Variants in ZFC3H1 observed in about 807,000 individuals in gnomAD.
The protein encoded by ZFC3H1 is zinc finger C3H1-type containing, also known as zinc finger C3H1 domain-containing protein.
A neutral mutation model predicts 243.7 loss-of-function variants in ZFC3H1; 71 were observed. The ratio of observed to expected loss-of-function variants is 0.29; its 90% confidence interval spans 0.24 to 0.36. The LOEUF (loss-of-function observed/expected upper bound fraction) is 0.36. ZFC3H1 is among the 10% of genes least tolerant of loss of function. The probability of loss-of-function intolerance (pLI) is 1.00; values close to 1 mark genes in which losing one functional copy is unlikely to be tolerated. For synonymous variants in ZFC3H1, 838 were observed against 813.0 expected (o/e 1.03, Z -0.52); for missense variants, 1,966 against 2,317.1 (o/e 0.85, Z 3.11).
chr12:71,662,492 A>AAC (rs1881206927), intron 1 of ZFC3H1, among the ~76,000 whole-genome samples: 5 of 114,500 alleles, frequency 4.4e-5, no homozygotes, highest in East Asian at 6.9e-4. Context: ...TTTTTTTTTT[A>AAC]CCCCTCCCCC....
Position 71,630,926 on chromosome 12 carries a change from T to C in ZFC3H1, c.3499A>G (p.Lys1167Glu). The change falls in exon 17 of 35, where the codon AAA becomes GAA. Residue 1167 changes from lysine to glutamate, a missense_variant. Around this residue, in one of 4 missense-constraint regions of ZFC3H1, gnomAD observed 1,383 missense variants for 1,723.7 expected, o/e 0.80. Transcript: ENST00000378743. ...TATGATACTGAGCTCAGGGGAAGTT[T>C]TTCCTTGGTTCGATAATATGGACTA... ...RFSPYYRTKE[K>E]LPLSSVSYSN... The C allele has an allele frequency of 6.2e-7, 1 of 1,612,284 alleles. No homozygotes were observed. The highest frequency in any genetic ancestry group is 2.2e-5 in the East Asian group (1 of 44,758).
intron 2 of ZFC3H1, among the ~76,000 whole-genome samples, chr12:71,651,654 GAAGTA>G (rs1880889778): frequency 6.6e-6 from 1 of 152,192 alleles, no homozygotes; most frequent in African/African-American, 2.4e-5. Flanking sequence ...AAGGCAATGA[GAAGTA>G]AAGTCAAAAG....
chr12:71,630,881 C>G lies in ZFC3H1; in HGVS notation c.3544G>C (p.Asp1182His), dbSNP rs1057481887. 5 of 1,613,500 alleles carry G rather than the reference C, an allele frequency of 3.1e-6. No individual in the cohort carries two copies. Among genetic ancestry groups the G allele is most frequent in the East Asian group, 4.5e-5 (2 of 44,786 alleles). Residue 1182 changes from aspartate to histidine, a missense_variant, in exon 17 of 35, where the codon GAT becomes CAT. Asp to His is a moderately conservative substitution (Grantham distance 81, BLOSUM62 -1). Around this residue, in one of 4 missense-constraint regions of ZFC3H1, gnomAD observed 1,383 missense variants for 1,723.7 expected, o/e 0.80. Transcript: ENST00000378743. ...AAATCAAAACGGCAGAAACACTGATCCGGTTCAATCATATTACTGTATGAT... is the reference window on the plus strand; with the variant it reads ...AAATCAAAACGGCAGAAACACTGATGCGGTTCAATCATATTACTGTATGAT... ...SVSYSNMIEP[D>H]QCFCRFDLTG...
chr12:71,633,181 G>A (rs765911801), intron 13 of ZFC3H1, 83 bp downstream of exon 13: 30 of 1,434,798 alleles, frequency 2.1e-5, no homozygotes, highest in African/African-American at 1.9e-4. Context: ...GCTGGCTTTA[G>A]TATACAGTGG....
chr12:71,631,128 G>A (rs1311626312), intron 16 of ZFC3H1, among the ~76,000 whole-genome samples, 174 bp from the exon 17 acceptor site: 1 of 151,732 alleles, frequency 6.6e-6, no homozygotes, highest in African/African-American at 2.4e-5. Flanking sequence ...GAATATCAAG[G>A]GATAGAAACA....
intron 5 of ZFC3H1, 68 bp from the exon 6 acceptor site, chr12:71,642,627 G>C: frequency 6.6e-7 from 1 of 1,515,438 alleles, no homozygotes. Flanking sequence ...CAAAAGAACT[G>C]ATAGTTATCT....
chr12:71,656,865 G>A lies in ZFC3H1; in HGVS notation c.1015+20C>T. The A allele has an allele frequency of 1.3e-6, 2 of 1,584,800 alleles. No individual in the cohort carries two copies. Among genetic ancestry groups the A allele is most frequent in the Non-Finnish European group, 1.7e-6 (2 of 1,167,006 alleles). On this transcript the variant is annotated intron_variant, in intron 2 of 34. Transcript: ENST00000378743. ...AGAGGAAGAAGAGTCATTACTAACT[G>A]AAATATTTAATTCCATTACCTTGAC...
Position 71,630,113 on chromosome 12 carries a change from TTAA to T in ZFC3H1, c.3725-406_3725-404del, listed in dbSNP as rs368527374. On this transcript the variant is annotated intron_variant, in intron 18 of 34. Transcript: ENST00000378743. ...CTTGGCACCAAATCTGAGAAAAAGC[TTAA>T]TAATATTTGCTCACAAGTGTATCAA... Among the ~76,000 whole-genome samples the T allele has an allele frequency of 6.7e-3, 1,025 of 152,316 alleles. 5 individuals carry two copies. The highest frequency in any genetic ancestry group is 0.018 in the African/African-American group (752 of 41,580).
chr12:71,627,725 T>G (rs775514209), intron 21 of ZFC3H1, 26 bp downstream of exon 21: 5 of 1,589,650 alleles, frequency 3.1e-6, no homozygotes, highest in African/African-American at 2.7e-5. Context: ...TGCAACTGTT[T>G]ACACAAAGAT....
In ZFC3H1 at chr12:71,632,289, G is replaced by A; in HGVS notation, c.3043C>T (p.His1015Tyr). The A allele has an allele frequency of 6.2e-7, 1 of 1,613,858 alleles. No homozygotes were observed. Among genetic ancestry groups the A allele is most frequent in the Non-Finnish European group, 8.5e-7 (1 of 1,179,858 alleles). The change falls in exon 15 of 35, where the codon CAT becomes TAT. Residue 1015 changes from histidine to tyrosine, a missense_variant. His to Tyr is a moderately conservative substitution (Grantham distance 83, BLOSUM62 2). Around this residue, in one of 4 missense-constraint regions of ZFC3H1, gnomAD observed 1,383 missense variants for 1,723.7 expected, o/e 0.80. Transcript: ENST00000378743. ...GTTAATTTATCTTGTGTCAGATCATGAAGTGAGGGTTGAGGTAAAGAAAAT... is the reference window on the plus strand; with the variant it reads ...GTTAATTTATCTTGTGTCAGATCATAAAGTGAGGGTTGAGGTAAAGAAAAT... ...PEFSLPQPSL[H>Y]DLTQDKLTLD...
At chr12:71,655,083 C>T (rs1339618904) in intron 2 of ZFC3H1, among the ~76,000 whole-genome samples, 1 of 152,020 alleles carries the variant, frequency 6.6e-6, no homozygotes, top group Non-Finnish European at 1.5e-5. Context: ...AAAAAGTGAA[C>T]AACACAAAAA....
At chr12:71,651,282 C>A (rs1333203974) in intron 2 of ZFC3H1, among the ~76,000 whole-genome samples, 1 of 152,180 alleles carries the variant, frequency 6.6e-6, no homozygotes, top group East Asian at 1.9e-4. Flanking sequence ...TCTTCAAAGT[C>A]TTTCTTTAAA....
chr12:71,658,578 T>C (rs1881084204), intron 1 of ZFC3H1, among the ~76,000 whole-genome samples: 1 of 152,000 alleles, frequency 6.6e-6, no homozygotes, highest in Non-Finnish European at 1.5e-5. Context: ...TGTGAGCCAC[T>C]GCACCCAGCC....
intron 27 of ZFC3H1, among the ~76,000 whole-genome samples, chr12:71,616,108 C>T (rs1184699817): frequency 1.3e-5 from 2 of 152,010 alleles, no homozygotes; most frequent in East Asian, 3.9e-4. Context: ...TGGCTAACAA[C>T]TTGGGTGAAA....
At chr12:71,629,249 T>C (rs1880252197) in intron 19 of ZFC3H1, among the ~76,000 whole-genome samples, 2 of 150,686 alleles carry the variant, frequency 1.3e-5, no homozygotes, top group South Asian at 2.1e-4. Flanking sequence ...CACTGCAACC[T>C]CCGCCTCTCG....
chr12:71,621,177 T>G (rs977967861), intron 24 of ZFC3H1, among the ~76,000 whole-genome samples: 2 of 152,224 alleles, frequency 1.3e-5, no homozygotes, highest in Admixed American at 1.3e-4. Context: ...TAGCCTCAAC[T>G]ACTGCATAAT....
Position 71,634,825 on chromosome 12 carries a change from GCT to G in ZFC3H1, c.2239-2_2239-1del. 1.3e-6 allele frequency: 2 copies of G among 1,502,420 alleles called. No homozygotes were observed. The highest frequency in any genetic ancestry group is 1.2e-5 in the South Asian group (1 of 80,154). 93.1% of individuals were successfully genotyped at this position (1,502,420 alleles called of 1,614,324 possible). On this transcript the variant is annotated splice_acceptor_variant, in intron 10 of 34. Coordinates refer to ENST00000378743, the MANE Select transcript of ZFC3H1 (RefSeq NM_144982.5). LOFTEE classifies it high-confidence loss of function. ...GGAGGTACTTTCGGTTTTGAAGCTT[GCT>G]AAAAAAAAAAAAACATTTGAAGTCA... is the stretch of plus-strand genomic sequence containing the variant.
chr12:71,661,315 A>C (rs914030357), intron 1 of ZFC3H1, among the ~76,000 whole-genome samples: 1 of 151,868 alleles, frequency 6.6e-6, no homozygotes, highest in African/African-American at 2.4e-5. Context: ...TAAATAAATA[A>C]ATAAATAAAA....
At position 71,630,603 on chromosome 12, in the gene ZFC3H1, C is replaced by T. The variant is rs773708496; in HGVS notation, c.3721G>A (p.Ala1241Thr). 8.7e-6 allele frequency: 14 copies of T among 1,600,984 alleles called. No individual in the cohort carries two copies. The South Asian group carries it at 1.6e-4, about 18-fold the overall frequency. Residue 1241 changes from alanine to threonine, a missense_variant, in exon 18 of 35, where the codon GCA becomes ACA. By Grantham distance (58) the Ala-to-Thr change is moderately conservative (BLOSUM62 0). Around this residue, in one of 4 missense-constraint regions of ZFC3H1, gnomAD observed 1,383 missense variants for 1,723.7 expected, o/e 0.80. Coordinates refer to ENST00000378743, the MANE Select transcript of ZFC3H1 (RefSeq NM_144982.5). ...TSTNEEITAS[A>T]EKYVEKLFGV... ...AGAATAGGAAGTCTTTAAAAACCTG[C>T]TGAAGCAGTAATTTCTTCATTAGTA...
Sources: allele counts gnomAD v4.1 joint callset (sites outside exome capture counted in the v4.1 genomes callset), GRCh38; gene constraint gnomAD v4.1.1; regional missense constraint gnomAD v4.1.1; transcripts MANE v1.5; gene names NCBI Gene and HGNC (gene_info 2026-07-23, HGNC 2026-07-21).